The following CSRNP3 variants were observed in gnomAD, a reference collection of about 807,000 sequenced individuals.
The protein encoded by CSRNP3 is cysteine/serine-rich nuclear protein 3.
In CSRNP3, 12 loss-of-function variants were observed where a neutral mutation model predicts 48.0. That is an observed-to-expected ratio of 0.25 (90% CI 0.16 to 0.41). The LOEUF is 0.41. CSRNP3 is among the 10% of genes least tolerant of loss of function. CSRNP3 has a pLI of 1.00. For missense variants in CSRNP3, 580 were observed against 724.4 expected, an observed-to-expected ratio of 0.80 and a Z score of 2.29; for synonymous variants, 263 against 269.7, an observed-to-expected ratio of 0.98 and a Z score of 0.24.
intron 3 of CSRNP3, among the ~76,000 whole-genome samples, chr2:165,560,153 C>T (rs139392428): frequency 6.6e-6 from 1 of 152,126 alleles, no homozygotes; most frequent in Admixed American, 6.5e-5. Flanking sequence ...CAATTAGGTT[C>T]TATTGCTTTC....
intron 3 of CSRNP3, among the ~76,000 whole-genome samples, chr2:165,594,790 T>C (rs1685781642): frequency 6.6e-6 from 1 of 152,196 alleles, no homozygotes; most frequent in Non-Finnish European, 1.5e-5. Context: ...GGAATAATGA[T>C]ATTACATTAA....
At chr2:165,509,895 T>C (rs925351455) in intron 2 of CSRNP3, among the ~76,000 whole-genome samples, 1 of 152,192 alleles carries the variant, frequency 6.6e-6, no homozygotes, top group Non-Finnish European at 1.5e-5. Flanking sequence ...TGACAGTGAC[T>C]GTCTTTCCTT....
chr2:165,653,065 C>T (rs1329040384), intron 4 of CSRNP3, among the ~76,000 whole-genome samples: 1 of 152,140 alleles, frequency 6.6e-6, no homozygotes. Context: ...CTGCTTCTCC[C>T]AGGCTCAAAG....
intron 4 of CSRNP3, among the ~76,000 whole-genome samples, chr2:165,655,860 T>C (rs1414326510): frequency 6.6e-6 from 1 of 152,204 alleles, no homozygotes; most frequent in African/African-American, 2.4e-5. Flanking sequence ...ATTTTAACTT[T>C]TATAAACACA....
chr2:165,477,985 AAG>A, intron 1 of CSRNP3, among the ~76,000 whole-genome samples: 1 of 152,022 alleles, frequency 6.6e-6, no homozygotes, highest in Non-Finnish European at 1.5e-5. Context: ...AAAGAAAAGA[AAG>A]AAAGAAAGGA....
At chr2:165,574,015 A>G (rs1685409801) in intron 3 of CSRNP3, 1 of 220,892 alleles carries the variant, frequency 4.5e-6, no homozygotes, top group Non-Finnish European at 8.9e-6. Flanking sequence ...TAGGACTCTA[A>G]AACAAAGCGT....
At chr2:165,603,303 A>G (rs950397472) in intron 4 of CSRNP3, among the ~76,000 whole-genome samples, 2 of 152,148 alleles carry the variant, frequency 1.3e-5, no homozygotes, top group Non-Finnish European at 2.9e-5. Flanking sequence ...TAACTGTGTG[A>G]TGGCTCATAG....
chr2:165,673,131 C>CTTGTTTTTTTT (rs1687357682), intron 5 of CSRNP3, among the ~76,000 whole-genome samples: 1 of 67,124 alleles, frequency 1.5e-5, no homozygotes, highest in Non-Finnish European at 2.6e-5. Context: ...GTATGTAGCT[C>CTTGTTTTTTTT]TTTTTTTTTT....
intron 2 of CSRNP3, among the ~76,000 whole-genome samples, chr2:165,501,967 G>A (rs1041110335): frequency 3.3e-5 from 5 of 151,972 alleles, no homozygotes; most frequent in South Asian, 4.2e-4. Context: ...AGAATTCAGC[G>A]TTCTCATTTA....
At chr2:165,519,194 T>G (rs964867431) in intron 3 of CSRNP3, among the ~76,000 whole-genome samples, 5 of 152,238 alleles carry the variant, frequency 3.3e-5, no homozygotes, top group African/African-American at 4.8e-5. Context: ...AAAAGTCTCT[T>G]GACACAACTG....
intron 5 of CSRNP3, among the ~76,000 whole-genome samples, chr2:165,668,352 C>T (rs576484550): frequency 6.6e-6 from 1 of 151,486 alleles, no homozygotes; most frequent in East Asian, 1.9e-4. Flanking sequence ...TTCTTCTTTC[C>T]TGAGCTCTTG....
At chr2:165,479,137 T>C (rs2105447265) in intron 1 of CSRNP3, among the ~76,000 whole-genome samples, 1 of 152,310 alleles carries the variant, frequency 6.6e-6, no homozygotes, top group Non-Finnish European at 1.5e-5. Context: ...GAAATGTCTT[T>C]TTTATAGCTA....
At position 165,687,560 on chromosome 2, in the gene CSRNP3, T is replaced by C. The variant is rs1436833525; in HGVS notation, c.*7807T>C. The stretch of plus-strand genomic sequence containing the variant: ...AATGACAAATAAGAATCCAAAGTTT[T>C]TCCACTCCTCCTGTGGGAGATAGGA... On this transcript the variant is annotated 3_prime_UTR_variant, in exon 7 of 7. Coordinates refer to ENST00000651982, the MANE Select transcript of CSRNP3 (RefSeq NM_001172173.2). The C allele has an allele frequency of 6.6e-6, 1 of 152,138 alleles. No homozygotes were observed. Among genetic ancestry groups the C allele is most frequent in the Admixed American group, 6.6e-5 (1 of 15,252 alleles). The allele number at this position is 152,138 out of a possible 1,614,324, so 9.4% of individuals were successfully genotyped here.
At chr2:165,542,173 G>A (rs1024081736) in intron 3 of CSRNP3, among the ~76,000 whole-genome samples, 1 of 152,020 alleles carries the variant, frequency 6.6e-6, no homozygotes, top group Non-Finnish European at 1.5e-5. Context: ...TCCTTCTCTG[G>A]GAAACTAGTT....
At chr2:165,480,590 C>G (rs1450560306) in intron 1 of CSRNP3, among the ~76,000 whole-genome samples, 1 of 151,726 alleles carries the variant, frequency 6.6e-6, no homozygotes, top group African/African-American at 2.4e-5. Flanking sequence ...TTTGCCACAG[C>G]ATTGGCAAGA....
At chr2:165,525,730 C>A (rs969292617) in intron 3 of CSRNP3, among the ~76,000 whole-genome samples, 1 of 152,108 alleles carries the variant, frequency 6.6e-6, no homozygotes, top group Admixed American at 6.5e-5. Context: ...AAGTGGCCCA[C>A]CTGCCTCAGC....
At chr2:165,627,631 G>A (rs976219539) in intron 4 of CSRNP3, among the ~76,000 whole-genome samples, 10 of 151,704 alleles carry the variant, frequency 6.6e-5, no homozygotes, top group African/African-American at 2.2e-4. Flanking sequence ...CATGTTTCTG[G>A]TGCCCTCCAC....
intron 3 of CSRNP3, among the ~76,000 whole-genome samples, chr2:165,527,651 T>C (rs1156451667): frequency 3.9e-5 from 6 of 152,192 alleles, no homozygotes; most frequent in Non-Finnish European, 8.8e-5. Context: ...GCCTTCTTGG[T>C]ATTTTTCAGT....
At chr2:165,479,234 A>C (rs1684008312) in intron 1 of CSRNP3, among the ~76,000 whole-genome samples, 1 of 152,176 alleles carries the variant, frequency 6.6e-6, no homozygotes. Flanking sequence ...CACACACAGA[A>C]ACACATTAAG....
Sources: gnomAD v4.1 joint callset for allele counts (sites outside exome capture counted in the v4.1 genomes callset) on GRCh38, gnomAD v4.1.1 for gene constraint, MANE v1.5 for transcripts, NCBI Gene and HGNC (gene_info 2026-07-23, HGNC 2026-07-21) for gene names.